The following CNTNAP3B variants were observed in gnomAD, a reference collection of about 807,000 sequenced individuals.
CNTNAP3B encodes contactin-associated protein-like 3B.
CNTNAP3B carries 25 observed loss-of-function variants against 108.9 expected under a neutral mutation model. The ratio of observed to expected loss-of-function variants is 0.23; its 90% CI spans 0.17 to 0.32. The LOEUF (loss-of-function observed/expected upper bound fraction) is 0.32, where lower values mean the gene tolerates loss of function less well. CNTNAP3B is among the 10% of genes least tolerant of loss of function. The probability of loss-of-function intolerance (pLI) is 1.00; values close to 1 mark genes in which losing one functional copy is unlikely to be tolerated. For missense variants in CNTNAP3B, 252 were observed against 1,210.4 expected (o/e 0.21, Z 11.75); for synonymous variants, 103 against 473.4 (o/e 0.22, Z 10.16).
chr9:41,931,403 A>G (rs1285999888), intron 14 of CNTNAP3B, among the ~76,000 whole-genome samples: 1 of 152,270 alleles, frequency 6.6e-6, no homozygotes, highest in Non-Finnish European at 1.5e-5. Context: ...TCTATCAAAT[A>G]CTAGAATTTC....
chr9:42,056,326 TTTA>T (rs199830117), intron 3 of CNTNAP3B, among the ~76,000 whole-genome samples: 24,790 of 128,670 alleles, frequency 0.19, 2,235 homozygotes, highest in East Asian at 0.4. Context: ...TCTCATGAAT[TTTA>T]TTATTATTAT....
chr9:42,112,000 T>C, intron 1 of CNTNAP3B, among the ~76,000 whole-genome samples: 1 of 139,360 alleles, frequency 7.2e-6, no homozygotes, highest in Non-Finnish European at 1.5e-5. Flanking sequence ...GTCCTGAAAT[T>C]CAAATTTCAG....
intron 3 of CNTNAP3B, among the ~76,000 whole-genome samples, chr9:42,041,907 T>C (rs1345626302): frequency 6.9e-6 from 1 of 144,136 alleles, no homozygotes; most frequent in East Asian, 2.1e-4. Context: ...AATGCAGCCA[T>C]AAAAAATGAT....
rs1282738587 is a variant in CNTNAP3B, at chr9:42,036,695, G to T, written c.391-23170C>A. The stretch of plus-strand genomic sequence containing the variant: ...TCCCTGTCTGACAGCTTTGAAGAGA[G>T]TAGTGGTTCTCCCAGCACGGAATTT... On this transcript the variant is annotated intron_variant, in intron 3 of 23. Coordinates refer to ENST00000377561, the MANE Select transcript of CNTNAP3B (RefSeq NM_001201380.3). 1.5e-5 allele frequency among the ~76,000 whole-genome samples: 2 copies of T among 137,484 alleles called. 1 individual carries two copies. Among genetic ancestry groups the T allele is most frequent in the African/African-American group, 5.8e-5 (2 of 34,244 alleles). 90.2% of individuals were successfully genotyped at this position (137,484 alleles called of 152,430 possible).
intron 3 of CNTNAP3B, among the ~76,000 whole-genome samples, chr9:42,029,592 G>A (rs1296331235): frequency 1.7e-5 from 2 of 120,274 alleles, no homozygotes; most frequent in East Asian, 5.6e-4. Flanking sequence ...GTGCAGTGGT[G>A]CAGTCTCGGC....
chr9:41,938,909 C>T (rs1273905620), intron 13 of CNTNAP3B, among the ~76,000 whole-genome samples: 1 of 152,208 alleles, frequency 6.6e-6, no homozygotes, highest in South Asian at 2.1e-4. Flanking sequence ...GTTTTTATTG[C>T]ATTGGATGTC....
At chr9:41,942,659 C>A (rs1360858397) in intron 13 of CNTNAP3B, among the ~76,000 whole-genome samples, 1 of 152,078 alleles carries the variant, frequency 6.6e-6, no homozygotes, top group Admixed American at 6.5e-5. Context: ...GTATAGGATG[C>A]TTCTCCTCTC....
At chr9:41,932,651 C>T (rs1376686348) in intron 14 of CNTNAP3B, among the ~76,000 whole-genome samples, 1 of 152,154 alleles carries the variant, frequency 6.6e-6, no homozygotes, top group African/African-American at 2.4e-5. Context: ...TCCAGAGTAG[C>T]TGGGATTACA....
intron 18 of CNTNAP3B, 131 bp downstream of exon 18, chr9:41,919,939 G>C: frequency 1.7e-6 from 1 of 594,372 alleles, no homozygotes; most frequent in Non-Finnish European, 3.0e-6. Flanking sequence ...AGAGGAATTT[G>C]GTACAGAAAT....
intron 13 of CNTNAP3B, among the ~76,000 whole-genome samples, chr9:41,944,744 G>A (rs1824473194): frequency 6.6e-6 from 1 of 152,208 alleles, no homozygotes. Flanking sequence ...GAAAGCAATG[G>A]CAACAAAAGC....
At chr9:41,930,600 A>G (rs1342923114) in intron 14 of CNTNAP3B, among the ~76,000 whole-genome samples, 2 of 152,226 alleles carry the variant, frequency 1.3e-5, no homozygotes, top group Non-Finnish European at 2.9e-5. Context: ...CTTTTGTCGA[A>G]CAGACATTGT....
chr9:41,935,812 C>A (rs1824139607), intron 14 of CNTNAP3B, among the ~76,000 whole-genome samples: 4 of 152,290 alleles, frequency 2.6e-5, no homozygotes, highest in African/African-American at 7.2e-5. Context: ...CTGCTTCTCT[C>A]CTGAATTTTT....
intron 13 of CNTNAP3B, among the ~76,000 whole-genome samples, chr9:41,943,558 T>G (rs1436103039): frequency 1.3e-5 from 2 of 151,608 alleles, no homozygotes; most frequent in African/African-American, 2.4e-5. Context: ...TTCCCCGTGG[T>G]AGCCAGGATG....
rs1442674080 is a variant in CNTNAP3B at position 42,122,001 on chromosome 9, G to T, written c.85+7009C>A. Reference sequence around the variant, plus strand: ...TTCCTTGCCTCCAAGTCCTCTGGGGGAATATGGATGGGCACAGATGGATGT... The same window carrying T: ...TTCCTTGCCTCCAAGTCCTCTGGGGTAATATGGATGGGCACAGATGGATGT... On this transcript the variant is annotated intron_variant, in intron 1 of 23. Coordinates refer to ENST00000377561, the MANE Select transcript of CNTNAP3B (RefSeq NM_001201380.3). Among the ~76,000 whole-genome samples the T allele has an allele frequency of 5.0e-5, 7 of 139,688 alleles. 1 individual carries two copies. Among genetic ancestry groups the T allele is most frequent in the Non-Finnish European group, 1.1e-4 (7 of 65,006 alleles). 91.6% of individuals were successfully genotyped at this position (139,688 alleles called of 152,430 possible).
rs1029353840 is a variant in CNTNAP3B, at chr9:41,983,992, A to C, written c.1477+2176T>G. On this transcript the variant is annotated intron_variant, in intron 9 of 23. Transcript: ENST00000377561. ...GTGAACCTGGCGGTGCAGAGCTTGC[A>C]GTGAGCCGAGATCGCGCCACTGCAC... 2.0e-5 allele frequency among the ~76,000 whole-genome samples: 2 copies of C among 98,498 alleles called. 1 individual carries two copies. The highest frequency in any genetic ancestry group is 8.0e-5 in the African/African-American group (2 of 24,994). 64.6% of individuals were successfully genotyped at this position (98,498 alleles called of 152,430 possible). A position where few individuals can be genotyped will look rare whatever the true frequency, so the allele number is the denominator to read the frequency against.
At chr9:42,104,289 C>A (rs1828058797) in intron 2 of CNTNAP3B, among the ~76,000 whole-genome samples, 1 of 61,940 alleles carries the variant, frequency 1.6e-5, no homozygotes, top group Non-Finnish European at 3.6e-5. Context: ...ACAAAAGAAT[C>A]CAAGGTAAAA....
At chr9:42,018,434 C>T (rs1394587389) in intron 3 of CNTNAP3B, among the ~76,000 whole-genome samples, 1 of 139,350 alleles carries the variant, frequency 7.2e-6, no homozygotes, top group Admixed American at 7.1e-5. Flanking sequence ...TCATGGAAAC[C>T]TTCACATCTG....
rs138024146 is a variant in CNTNAP3B at position 42,056,661 on chromosome 9, A to G, written c.390+20208T>C. 9.2e-4 allele frequency among the ~76,000 whole-genome samples: 127 copies of G among 138,140 alleles called. 9 individuals carry two copies. In the East Asian group the frequency reaches 0.024, roughly 26 times the overall value. 90.6% of individuals were successfully genotyped at this position (138,140 alleles called of 152,430 possible). On this transcript the variant is annotated intron_variant, in intron 3 of 23. Coordinates refer to ENST00000377561, the MANE Select transcript of CNTNAP3B (RefSeq NM_001201380.3). ...CACCGCGCCAAGCATTATCTCATAA[A>G]TTTATATACTATTTTTTCTTCATGT...
Position 42,115,381 on chromosome 9 carries a change from G to C in CNTNAP3B, c.86-10642C>G, listed in dbSNP as rs1211511773. ...TGACAGTAGTGGTTCTCCCAGCATG[G>C]AGTTTGAGATCTGAGAATGGAAAGA... On this transcript the variant is annotated intron_variant, in intron 1 of 23. Transcript: ENST00000377561. 3.7e-5 allele frequency among the ~76,000 whole-genome samples: 5 copies of C among 135,300 alleles called. No homozygotes were observed. The East Asian group carries it at 1.1e-3, about 31-fold the overall frequency. 88.8% of individuals were successfully genotyped at this position (135,300 alleles called of 152,430 possible). A position where few individuals can be genotyped will look rare whatever the true frequency, so the allele number is the denominator to read the frequency against.
Sources: gnomAD v4.1 joint callset for allele counts (sites outside exome capture counted in the v4.1 genomes callset) on GRCh38, gnomAD v4.1.1 for gene constraint, MANE v1.5 for transcripts, NCBI Gene and HGNC (gene_info 2026-07-23, HGNC 2026-07-21) for gene names.